The following DNER variants were observed in gnomAD, a reference collection of about 807,000 sequenced individuals.
DNER encodes the protein delta/notch like EGF repeat containing.
DNER carries 33 observed loss-of-function variants against 78.2 expected under a neutral mutation model. That is an observed-to-expected ratio of 0.42 (90% CI 0.32 to 0.56). The LOEUF (loss-of-function observed/expected upper bound fraction) is 0.56. DNER is among the 20% of genes least tolerant of loss of function. The probability of loss-of-function intolerance (pLI) is 0.11; values close to 1 mark genes in which losing one functional copy is unlikely to be tolerated. For synonymous variants in DNER, 417 were observed against 384.8 expected (o/e 1.08, Z -0.98); for missense variants, 918 against 975.3 (o/e 0.94, Z 0.78).
intron 11 of DNER, among the ~76,000 whole-genome samples, chr2:229,387,108 A>G (rs1041389616): frequency 3.5e-4 from 53 of 152,230 alleles, no homozygotes; most frequent in African/African-American, 1.3e-3. Context: ...TGGATAAAGA[A>G]AATGTGGCAC....
At chr2:229,378,885 C>A (rs1043107488) in intron 11 of DNER, among the ~76,000 whole-genome samples, 1 of 152,166 alleles carries the variant, frequency 6.6e-6, no homozygotes, top group Non-Finnish European at 1.5e-5. Context: ...TAGACACGAG[C>A]CACTGGTTTC....
chr2:229,374,801 T>A (rs191229301), intron 11 of DNER, among the ~76,000 whole-genome samples: 11 of 152,124 alleles, frequency 7.2e-5, no homozygotes, highest in African/African-American at 2.7e-4. Context: ...AAAAAAAAAA[T>A]TTAGAGAACT....
At chr2:229,694,514 G>C (rs993726882) in intron 1 of DNER, among the ~76,000 whole-genome samples, 1 of 152,188 alleles carries the variant, frequency 6.6e-6, no homozygotes, top group African/African-American at 2.4e-5. Flanking sequence ...AAAGTCACAG[G>C]GTCAGAGTGG....
At chr2:229,430,212 T>A (rs896411937) in intron 8 of DNER, among the ~76,000 whole-genome samples, 1 of 152,236 alleles carries the variant, frequency 6.6e-6, no homozygotes, top group Non-Finnish European at 1.5e-5. Context: ...TAAATATGTA[T>A]ATTCATGTTT....
intron 7 of DNER, among the ~76,000 whole-genome samples, chr2:229,455,072 T>C (rs560927502): frequency 6.6e-6 from 1 of 152,238 alleles, no homozygotes; most frequent in East Asian, 1.9e-4. Flanking sequence ...CTGAGTCACT[T>C]TTGAGATGCT....
At chr2:229,390,095 C>A (rs974160637) in intron 10 of DNER, among the ~76,000 whole-genome samples, 5 of 152,172 alleles carry the variant, frequency 3.3e-5, no homozygotes, top group Admixed American at 2.6e-4. Flanking sequence ...AAATCAAAGA[C>A]CTTAACAAGT....
intron 5 of DNER, among the ~76,000 whole-genome samples, chr2:229,533,044 G>A (rs1209834404): frequency 6.6e-6 from 1 of 152,160 alleles, no homozygotes; most frequent in African/African-American, 2.4e-5. Context: ...CTGTTACAAG[G>A]AAGCCATTCA....
chr2:229,513,058 C>T lies in DNER; in HGVS notation c.994-122G>A, dbSNP rs548340815. The T allele has an allele frequency of 1.4e-4, 152 of 1,107,744 alleles. No homozygotes were observed. In the African/African-American group the frequency reaches 2.1e-3, roughly 16 times the overall value. The allele number at this position is 1,107,744 out of a possible 1,614,324, so 68.6% of individuals were successfully genotyped here. A position where few individuals can be genotyped will look rare whatever the true frequency, so the allele number is the denominator to read the frequency against. On this transcript the variant is annotated intron_variant, in intron 5 of 12. Coordinates refer to ENST00000341772, the MANE Select transcript of DNER (RefSeq NM_139072.4). ...TATAATCAGCAATTTAATCAAATCACTTATGTCATAATCTAGTTGAAATCA... is the reference window on the plus strand; with the variant it reads ...TATAATCAGCAATTTAATCAAATCATTTATGTCATAATCTAGTTGAAATCA...
intron 6 of DNER, among the ~76,000 whole-genome samples, chr2:229,482,590 T>C (rs2154211485): frequency 6.6e-6 from 1 of 152,290 alleles, no homozygotes; most frequent in African/African-American, 2.4e-5. Context: ...CAGTATTGTT[T>C]TCATGCTGTG....
At chr2:229,453,939 A>AAG (rs1553606204) in intron 7 of DNER, among the ~76,000 whole-genome samples, 1 of 138,288 alleles carries the variant, frequency 7.2e-6, no homozygotes, top group South Asian at 2.3e-4. Flanking sequence ...AAAAAAAAAA[A>AAG]AAAGAAAGAA....
chr2:229,557,018 G>A (rs753015875), intron 4 of DNER, among the ~76,000 whole-genome samples: 2 of 152,112 alleles, frequency 1.3e-5, no homozygotes, highest in Non-Finnish European at 2.9e-5. Context: ...AATACTGTCC[G>A]GTTTAACTTT....
intron 5 of DNER, among the ~76,000 whole-genome samples, chr2:229,518,301 G>C (rs1279750788): frequency 6.6e-6 from 1 of 152,122 alleles, no homozygotes; most frequent in African/African-American, 2.4e-5. Context: ...CACGTTTTTT[G>C]AACACTGCCA....
At chr2:229,512,052 G>A (rs191286061) in intron 6 of DNER, among the ~76,000 whole-genome samples, 2 of 152,212 alleles carry the variant, frequency 1.3e-5, no homozygotes, top group Admixed American at 6.5e-5. Flanking sequence ...AGAAACTGTG[G>A]TATATATATA....
chr2:229,527,476 G>A (rs567138846), intron 5 of DNER, among the ~76,000 whole-genome samples: 1 of 152,158 alleles, frequency 6.6e-6, no homozygotes, highest in East Asian at 1.9e-4. Flanking sequence ...ACTATTTTAG[G>A]GACATTCGCA....
chr2:229,548,482 T>C (rs1262142655), intron 4 of DNER, among the ~76,000 whole-genome samples: 1 of 152,052 alleles, frequency 6.6e-6, no homozygotes, highest in Non-Finnish European at 1.5e-5. Context: ...CTCAGCAAAC[T>C]ATCACAAGAT....
intron 8 of DNER, among the ~76,000 whole-genome samples, chr2:229,422,124 G>A (rs905227649): frequency 2.0e-5 from 3 of 152,152 alleles, no homozygotes; most frequent in African/African-American, 7.2e-5. Flanking sequence ...ACATTTAAAT[G>A]TCTTCATGGA....
chr2:229,514,882 G>A (rs752601317), intron 5 of DNER, among the ~76,000 whole-genome samples: 19 of 152,196 alleles, frequency 1.2e-4, no homozygotes, highest in Admixed American at 3.3e-4. Flanking sequence ...AATTGTATAT[G>A]GGTGTCTTTC....
chr2:229,500,728 C>T lies in DNER; in HGVS notation c.1147+12055G>A, dbSNP rs573269428. On this transcript the variant is annotated intron_variant, in intron 6 of 12. Transcript: ENST00000341772. ...CTTTTTTCAAAATTTCCATAGGTTT[C>T]GGGGGAACAGATTGTGTATGGTTAC... Among the ~76,000 whole-genome samples the T allele has an allele frequency of 5.3e-5, 8 of 151,888 alleles. No individual in the cohort carries two copies. The South Asian group carries it at 1.3e-3, about 24-fold the overall frequency.
chr2:229,372,408 G>A (rs1692504716), intron 11 of DNER, among the ~76,000 whole-genome samples: 1 of 152,216 alleles, frequency 6.6e-6, no homozygotes, highest in African/African-American at 2.4e-5. Flanking sequence ...GGACGGGCAA[G>A]AGCAGAGGGG....
Sources: allele counts gnomAD v4.1 joint callset (sites outside exome capture counted in the v4.1 genomes callset), GRCh38; gene constraint gnomAD v4.1.1; transcripts MANE v1.5; gene names NCBI Gene and HGNC (gene_info 2026-07-23, HGNC 2026-07-21).